SCNM1: variants seen among roughly 807,000 people sequenced by gnomAD.
SCNM1 encodes sodium channel modifier 1.
SCNM1 carries 24 observed loss-of-function variants against 32.8 expected under a neutral mutation model. The ratio of observed to expected loss-of-function variants is 0.73; its 90% CI spans 0.53 to 1.03. SCNM1 has a LOEUF of 1.03. Among genes scored for constraint, SCNM1 ranks in the 50% least tolerant of loss-of-function variants. SCNM1 has a pLI of 0.00. For synonymous variants in SCNM1, 99 were observed against 103.2 expected (o/e 0.96, Z 0.25); for missense variants, 274 against 282.3 (o/e 0.97, Z 0.21).
In SCNM1 at chr1:151,167,354, T is replaced by C; in HGVS notation, c.338T>C (p.Ile113Thr). 5 of 1,614,116 alleles carry C rather than the reference T, an allele frequency of 3.1e-6. No homozygotes were observed. Among genetic ancestry groups the C allele is most frequent in the East Asian group, 2.2e-5 (1 of 44,870 alleles). ...EAPLLTQTRL[I>T]TQSALHRAPH... The stretch of plus-strand genomic sequence containing the variant: ...CCTCTGCTAACTCAGACACGACTTA[T>C]CACCCAGAGTGCTCTGCACAGAGCT... Residue 113 changes from isoleucine to threonine, a missense_variant, in exon 5 of 7, where the codon ATC becomes ACC. Physicochemically the swap from Ile to Thr is moderately conservative, Grantham distance 89. Transcript: ENST00000368905.
chr1:151,166,322 G>A (rs1377679506), intron 1 of SCNM1, 119 bp downstream of exon 1: 6 of 1,536,458 alleles, frequency 3.9e-6, no homozygotes, highest in Non-Finnish European at 5.3e-6. Flanking sequence ...AGGCGACTTA[G>A]AGCTGTGTAG....
Position 151,168,331 on chromosome 1 carries a change from C to T in SCNM1, c.586C>T (p.Leu196Phe), listed in dbSNP as rs762222473. 5.0e-6 allele frequency: 8 copies of T among 1,604,284 alleles called. No individual in the cohort carries two copies. In the South Asian group the frequency reaches 7.8e-5, roughly 16 times the overall value. Residue 196 changes from leucine (L) to phenylalanine (F), a missense_variant, in exon 6 of 7, where the codon CTT (leucine) becomes TTT (phenylalanine). Coordinates refer to ENST00000368905, the MANE Select transcript of SCNM1 (RefSeq NM_024041.4). ...RRRALDHYLTLRSSGWIPDGR... is the reference protein window; with the variant it reads ...RRRALDHYLTFRSSGWIPDGR... ...ACGAGCCCTGGACCATTATCTCACC[C>T]TTCGAAGGTGAGTATGCCTAATCAG...
intron 2 of SCNM1, 151 bp downstream of exon 2, chr1:151,166,692 G>A: frequency 3.7e-6 from 5 of 1,355,748 alleles, no homozygotes; most frequent in Non-Finnish European, 4.9e-6. Flanking sequence ...CCTCAGCGTC[G>A]CGATTAGCTG....
rs776936199 is a variant in SCNM1 at position 151,167,014 on chromosome 1, A to T, written c.203A>T (p.His68Leu). The T allele has an allele frequency of 1.2e-6, 2 of 1,614,164 alleles. No homozygotes were observed. Among genetic ancestry groups the T allele is most frequent in the Non-Finnish European group, 1.7e-6 (2 of 1,180,046 alleles). The change falls in exon 3 of 7, where the codon CAT (histidine) becomes CTT (leucine). Residue 68 changes from histidine (H) to leucine (L), a missense_variant. Physicochemically the swap from His to Leu is moderately conservative, Grantham distance 99. Transcript: ENST00000368905. ...MLTAHRAGKK[H>L]LSSLQLFYGK... ...ACTGCCCACCGTGCAGGCAAGAAAC[A>T]TCTGTCCAGTAAGTTAGGGGGAAGA...
In SCNM1 at chr1:151,168,226, G is replaced by A; in HGVS notation, c.481G>A (p.Glu161Lys). 6.2e-7 allele frequency: 1 copy of A among 1,614,108 alleles called. No homozygotes were observed. Among genetic ancestry groups the A allele is most frequent in the Non-Finnish European group, 8.5e-7 (1 of 1,180,030 alleles). ...VKLQSGKISR[E>K]PEPAAGPQAE... ...ACTCCAAAGTGGGAAGATCAGTAGG[G>A]AACCTGAACCTGCGGCTGGCCCACA... The change falls in exon 6 of 7, where the codon GAA becomes AAA. Residue 161 changes from glutamate (E) to lysine (K), a missense_variant. By Grantham distance (56) the Glu-to-Lys change is moderately conservative. Coordinates refer to ENST00000368905, the MANE Select transcript of SCNM1 (RefSeq NM_024041.4).
At chr1:151,166,262 G>T (rs747407031) in intron 1 of SCNM1, 59 bp downstream of exon 1, 121 of 1,559,198 alleles carry the variant, frequency 7.8e-5, no homozygotes, top group Middle Eastern at 3.3e-4. Flanking sequence ...GGTTGGGAAG[G>T]AGCTTTGTTT....
rs1237144125 is a variant in SCNM1 at position 151,169,216 on chromosome 1, C to T, written c.*131C>T. ...TCTCATTCCAACTACTCCTTGCCTGCAAGGTACACAGCTCTCCACACTCCT... is the reference window on the plus strand; with the variant it reads ...TCTCATTCCAACTACTCCTTGCCTGTAAGGTACACAGCTCTCCACACTCCT... On this transcript the variant is annotated 3_prime_UTR_variant, in exon 7 of 7. Transcript: ENST00000368905. The T allele has an allele frequency of 2.4e-6, 2 of 849,816 alleles. No homozygotes were observed. The highest frequency in any genetic ancestry group is 2.7e-5 in the East Asian group (1 of 36,374). The allele number at this position is 849,816 out of a possible 1,614,324, so 52.6% of individuals were successfully genotyped here.
chr1:151,169,199 C>A lies in SCNM1; in HGVS notation c.*114C>A. On this transcript the variant is annotated 3_prime_UTR_variant, in exon 7 of 7. Coordinates refer to ENST00000368905, the MANE Select transcript of SCNM1 (RefSeq NM_024041.4). ...ATTTCAGATCTGTTCATTCTCATTC[C>A]AACTACTCCTTGCCTGCAAGGTACA... 4 of 1,149,480 alleles carry A rather than the reference C, an allele frequency of 3.5e-6. No individual in the cohort carries two copies. The highest frequency in any genetic ancestry group is 5.0e-6 in the Non-Finnish European group (4 of 800,772). 71.2% of individuals were successfully genotyped at this position (1,149,480 alleles called of 1,614,324 possible).
intron 1 of SCNM1, 118 bp from the exon 2 acceptor site, chr1:151,166,353 G>C: frequency 6.5e-7 from 1 of 1,539,508 alleles, no homozygotes; most frequent in Non-Finnish European, 8.8e-7. Flanking sequence ...TTCGGTCTAT[G>C]ATCGCTGTTC....
In SCNM1 at chr1:151,166,537, G is replaced by A. The variant is rs747764529; in HGVS notation, c.118G>A (p.Gly40Arg). ...GGATGAGGCGCTGATGCTTCGGGAT[G>A]GACGGTAAGAGCAAGGAGTGGCTCA... ...PEDEALMLRD[G>R]RFACAICPHR... The change falls in exon 2 of 7, where the codon GGA (glycine) becomes AGA (arginine). Residue 40 changes from glycine to arginine, a missense_variant. Physicochemically the swap from Gly to Arg is moderately radical, Grantham distance 125. Transcript: ENST00000368905. 5 of 1,613,970 alleles carry A rather than the reference G, an allele frequency of 3.1e-6. No homozygotes were observed. Among genetic ancestry groups the A allele is most frequent in the South Asian group, 2.2e-5 (2 of 91,044 alleles).
chr1:151,166,800 C>G, intron 2 of SCNM1, 134 bp from the exon 3 acceptor site: 1 of 1,391,402 alleles, frequency 7.2e-7, no homozygotes, highest in Non-Finnish European at 9.8e-7. Flanking sequence ...CCAGTGAGGA[C>G]TGGAAGAAGT....
At chr1:151,168,907 G>A in intron 6 of SCNM1, 79 bp from the exon 7 acceptor site, 1 of 1,546,918 alleles carries the variant, frequency 6.5e-7, no homozygotes, top group Non-Finnish European at 8.9e-7. Flanking sequence ...CAGAGTGCTG[G>A]GATTACTGGT....
chr1:151,167,004 G>A lies in SCNM1; in HGVS notation c.193G>A (p.Gly65Ser), dbSNP rs1273294403. ...GGCCATGCTGACTGCCCACCGTGCAGGCAAGAAACATCTGTCCAGTAAGTT... is the reference window on the plus strand; with the variant it reads ...GGCCATGCTGACTGCCCACCGTGCAAGCAAGAAACATCTGTCCAGTAAGTT... ...TLAMLTAHRA[G>S]KKHLSSLQLF... Residue 65 changes from glycine to serine, a missense_variant, in exon 3 of 7, where the codon GGC becomes AGC. Gly to Ser is a moderately conservative substitution (Grantham distance 56, BLOSUM62 0). Coordinates refer to ENST00000368905, the MANE Select transcript of SCNM1 (RefSeq NM_024041.4). 1 of 1,614,152 alleles carries A rather than the reference G, an allele frequency of 6.2e-7. No homozygotes were observed. The highest frequency in any genetic ancestry group is 1.7e-5 in the Admixed American group (1 of 60,012).
chr1:151,166,565 C>A (rs1683711399), intron 2 of SCNM1, 24 bp downstream of exon 2: 1 of 1,612,692 alleles, frequency 6.2e-7, no homozygotes, highest in Non-Finnish European at 8.5e-7. Context: ...GTGGCTCAAG[C>A]CTGAGGGTTC....
intron 1 of SCNM1, 88 bp from the exon 2 acceptor site, chr1:151,166,383 A>G: frequency 1.3e-6 from 2 of 1,576,086 alleles, no homozygotes; most frequent in East Asian, 4.6e-5. Context: ...TCCTTATTCC[A>G]TTTCACTCCT....
chr1:151,167,831 C>CAAA, intron 5 of SCNM1: 1 of 235,070 alleles, frequency 4.3e-6, no homozygotes, highest in Non-Finnish European at 7.9e-6. Context: ...GACTCCATCT[C>CAAA]AAAAAAAAAA....
rs1558206895 is a variant in SCNM1 at position 151,169,111 on chromosome 1, T to C, written c.*26T>C. ...TACCCTTTTCCCATTCATTCACAAA[T>C]AAATTACAATGGGTGCTGAGAACTT... is the stretch of plus-strand genomic sequence containing the variant. On this transcript the variant is annotated 3_prime_UTR_variant, in exon 7 of 7. Transcript: ENST00000368905. 1.9e-6 allele frequency: 3 copies of C among 1,613,350 alleles called. No homozygotes were observed. Among genetic ancestry groups the C allele is most frequent in the Non-Finnish European group, 2.5e-6 (3 of 1,179,480 alleles).
At chr1:151,166,880 C>G in intron 2 of SCNM1, 54 bp from the exon 3 acceptor site, 1 of 1,609,220 alleles carries the variant, frequency 6.2e-7, no homozygotes, top group South Asian at 1.1e-5. Context: ...ATGGCAGGGA[C>G]GGGCCCAACC....
chr1:151,168,054 G>T, intron 5 of SCNM1, 90 bp from the exon 6 acceptor site: 1 of 1,347,808 alleles, frequency 7.4e-7, no homozygotes, highest in Non-Finnish European at 1.0e-6. Flanking sequence ...GAGAAATATA[G>T]TTTAAGAAGC....
Sources: gnomAD v4.1 joint callset for allele counts on GRCh38, gnomAD v4.1.1 for gene constraint, MANE v1.5 for transcripts, NCBI Gene and HGNC (gene_info 2026-07-23, HGNC 2026-07-21) for gene names.